The following NCALD variants were observed in gnomAD, a reference collection of about 807,000 sequenced individuals.
NCALD encodes neurocalcin delta.
Under a neutral mutation model 18.6 loss-of-function variants are expected in NCALD, and 10 were observed. The ratio of observed to expected loss-of-function variants is 0.54; its 90% confidence interval spans 0.33 to 0.91. The LOEUF (loss-of-function observed/expected upper bound fraction) is 0.91, where lower values mean the gene tolerates loss of function less well. Among genes scored for constraint, NCALD ranks in the 40% least tolerant of loss-of-function variants. NCALD has a pLI of 0.03. For missense variants in NCALD, 184 were observed against 247.6 expected (o/e 0.74, Z 1.72); for synonymous variants, 88 against 87.4 (o/e 1.01, Z -0.04).
intron 1 of NCALD, among the ~76,000 whole-genome samples, chr8:102,076,229 C>A (rs1237536248): frequency 1.3e-5 from 2 of 152,098 alleles, no homozygotes; most frequent in Non-Finnish European, 2.9e-5. Flanking sequence ...TTCCCTCTTT[C>A]TTTTCTCAAC....
At chr8:101,735,664 T>A (rs1809872751) in intron 1 of NCALD, among the ~76,000 whole-genome samples, 1 of 152,044 alleles carries the variant, frequency 6.6e-6, no homozygotes, top group South Asian at 2.1e-4. Context: ...CATCCCGCAT[T>A]TTTATTTGCT....
intron 3 of NCALD, among the ~76,000 whole-genome samples, chr8:101,902,070 C>T (rs191436098): frequency 6.6e-6 from 1 of 152,208 alleles, no homozygotes; most frequent in Non-Finnish European, 1.5e-5. Context: ...GGATTACAGG[C>T]GTGAGCCATC....
chr8:101,904,900 C>T (rs1035329729), intron 3 of NCALD, among the ~76,000 whole-genome samples: 1 of 152,308 alleles, frequency 6.6e-6, no homozygotes, highest in East Asian at 1.9e-4. Flanking sequence ...GATGGTCTAT[C>T]TGTCCATTCC....
At chr8:101,902,079 T>C (rs111985107) in intron 3 of NCALD, among the ~76,000 whole-genome samples, 10,281 of 152,188 alleles carry the variant, frequency 0.068, 727 homozygotes, top group African/African-American at 0.18. Flanking sequence ...GCGTGAGCCA[T>C]CACACCCACT....
chr8:102,111,420 G>A (rs1485769748), intron 1 of NCALD, among the ~76,000 whole-genome samples: 1 of 151,754 alleles, frequency 6.6e-6, no homozygotes, highest in African/African-American at 2.4e-5. Context: ...AGATGTGTGT[G>A]TGTGTGTGTG....
chr8:101,833,788 A>C (rs181923057), intron 4 of NCALD, among the ~76,000 whole-genome samples: 1 of 152,344 alleles, frequency 6.6e-6, no homozygotes, highest in East Asian at 1.9e-4. Flanking sequence ...TGCCAGTTTA[A>C]AATACAATTT....
At chr8:102,047,022 G>C (rs189035561) in intron 1 of NCALD, among the ~76,000 whole-genome samples, 2 of 151,984 alleles carry the variant, frequency 1.3e-5, no homozygotes, top group South Asian at 4.1e-4. Context: ...CCTTCTTTGC[G>C]TTCACAGGTT....
intron 4 of NCALD, among the ~76,000 whole-genome samples, chr8:101,838,826 C>T (rs371338400): frequency 2.0e-5 from 3 of 152,168 alleles, no homozygotes; most frequent in Non-Finnish European, 4.4e-5. Flanking sequence ...CTGCTAATAT[C>T]AGAGGTCAGT....
chr8:101,995,758 A>G (rs904784024), intron 2 of NCALD, among the ~76,000 whole-genome samples: 2 of 152,180 alleles, frequency 1.3e-5, no homozygotes, highest in Non-Finnish European at 2.9e-5. Context: ...TATCCAAACT[A>G]TATCACATAT....
intron 2 of NCALD, among the ~76,000 whole-genome samples, chr8:101,952,802 G>A (rs1819481172): frequency 6.6e-6 from 1 of 152,222 alleles, no homozygotes; most frequent in South Asian, 2.1e-4. Context: ...TGCTAAGGGA[G>A]CACAGGAGAT....
intron 1 of NCALD, among the ~76,000 whole-genome samples, chr8:102,066,488 C>T (rs768468665): frequency 1.1e-4 from 17 of 152,270 alleles, no homozygotes; most frequent in South Asian, 2.1e-4. Flanking sequence ...AGACAATACA[C>T]GAAGAACAAG....
intron 1 of NCALD, among the ~76,000 whole-genome samples, chr8:101,763,971 C>CACAG (rs1563744239): frequency 2.3e-4 from 4 of 17,068 alleles, no homozygotes; most frequent in African/African-American, 4.1e-4. Context: ...TCTCTCCACA[C>CACAG]ACACACACAC....
At chr8:101,825,608 C>T (rs1046539696) in intron 4 of NCALD, among the ~76,000 whole-genome samples, 18 of 152,296 alleles carry the variant, frequency 1.2e-4, no homozygotes, top group African/African-American at 4.3e-4. Flanking sequence ...AACTTCTGGA[C>T]CTAAGTGGCA....
intron 1 of NCALD, among the ~76,000 whole-genome samples, chr8:102,042,422 C>T (rs1823080699): frequency 6.6e-6 from 1 of 151,874 alleles, no homozygotes; most frequent in East Asian, 1.9e-4. Context: ...TCACATGGGG[C>T]TCCTACAGTT....
intron 1 of NCALD, among the ~76,000 whole-genome samples, chr8:101,768,862 A>C (rs750367781): frequency 1.4e-4 from 21 of 152,210 alleles, no homozygotes; most frequent in Non-Finnish European, 1.3e-4. Context: ...CTAATCCCTG[A>C]AACCTGTGAA....
chr8:101,747,068 A>G (rs1352816726), intron 1 of NCALD, among the ~76,000 whole-genome samples: 2 of 152,188 alleles, frequency 1.3e-5, no homozygotes, highest in Non-Finnish European at 2.9e-5. Flanking sequence ...AGTGGTTCCA[A>G]CATGAAACCC....
chr8:101,779,539 T>TA (rs1303823845), intron 1 of NCALD, among the ~76,000 whole-genome samples: 2 of 152,284 alleles, frequency 1.3e-5, no homozygotes, highest in South Asian at 4.1e-4. Context: ...TTGTGGAATG[T>TA]AAAAAACACT....
At chr8:101,751,739 T>C (rs1000125605) in intron 1 of NCALD, among the ~76,000 whole-genome samples, 3 of 152,126 alleles carry the variant, frequency 2.0e-5, no homozygotes, top group Non-Finnish European at 4.4e-5. Flanking sequence ...TACTAAGTAG[T>C]CCTACTGAAA....
rs1299002606 is a variant in NCALD at position 101,895,768 on chromosome 8, C to T, written c.-106-8541G>A. Among the ~76,000 whole-genome samples, 5 of 147,420 alleles carry T rather than the reference C, an allele frequency of 3.4e-5. 1 individual carries two copies. Among genetic ancestry groups the T allele is most frequent in the Admixed American group, 2.7e-4 (4 of 14,998 alleles). On this transcript the variant is annotated intron_variant, in intron 3 of 6. Coordinates refer to the NCALD transcript ENST00000311028. Reference sequence around the variant, plus strand: ...ATGAGTGAACTCCCATTCACAACTGCTTCAAAGAGAACAAAATACTTAGGA... The same window carrying T: ...ATGAGTGAACTCCCATTCACAACTGTTTCAAAGAGAACAAAATACTTAGGA...
Sources: gnomAD v4.1 joint callset for allele counts (sites outside exome capture counted in the v4.1 genomes callset) on GRCh38, gnomAD v4.1.1 for gene constraint, MANE v1.5 for transcripts, NCBI Gene and HGNC (gene_info 2026-07-23, HGNC 2026-07-21) for gene names.